Variants in MECOM observed in about 807,000 individuals in gnomAD.
The protein encoded by MECOM is MDS1 and EVI1 complex locus.
A neutral mutation model predicts 116.3 loss-of-function variants in MECOM; 13 were observed. The ratio of observed to expected loss-of-function variants is 0.11; its 90% CI spans 0.07 to 0.18. The LOEUF (loss-of-function observed/expected upper bound fraction) is 0.18. MECOM is among the 10% of genes least tolerant of loss of function. The pLI is 1.00. For synonymous variants in MECOM, 528 were observed against 535.2 expected (o/e 0.99, Z 0.19); for missense variants, 1,299 against 1,509.0 (o/e 0.86, Z 2.31).
chr3:169,212,269 G>T (rs1750820810), intron 2 of MECOM, among the ~76,000 whole-genome samples: 1 of 151,938 alleles, frequency 6.6e-6, no homozygotes, highest in African/African-American at 2.4e-5. Context: ...CAGCCAGAGT[G>T]ATCATTAGAC....
At chr3:169,655,980 A>G (rs1397264550) in intron 1 of MECOM, among the ~76,000 whole-genome samples, 1 of 152,200 alleles carries the variant, frequency 6.6e-6, no homozygotes, top group Admixed American at 6.5e-5. Flanking sequence ...GAGGCATTCA[A>G]TAACTTGAAG....
chr3:169,182,463 A>T (rs1466623265), intron 2 of MECOM, among the ~76,000 whole-genome samples: 1 of 152,212 alleles, frequency 6.6e-6, no homozygotes, highest in Admixed American at 6.5e-5. Flanking sequence ...TAGAGATCCA[A>T]CTTATTTAAA....
At chr3:169,416,251 T>C (rs1003750786) in intron 1 of MECOM, among the ~76,000 whole-genome samples, 18 of 152,240 alleles carry the variant, frequency 1.2e-4, no homozygotes, top group African/African-American at 4.1e-4. Flanking sequence ...AAATGGAAAC[T>C]GAACAACATG....
chr3:169,130,764 G>C (rs1207569363), intron 4 of MECOM, among the ~76,000 whole-genome samples: 1 of 151,484 alleles, frequency 6.6e-6, no homozygotes, highest in African/African-American at 2.4e-5. Context: ...CAGTATACTT[G>C]GACACAGAAA....
At chr3:169,441,984 G>A (rs1278121792) in intron 1 of MECOM, among the ~76,000 whole-genome samples, 4 of 151,968 alleles carry the variant, frequency 2.6e-5, no homozygotes, top group Non-Finnish European at 4.4e-5. Flanking sequence ...GGAGTGCAGT[G>A]GCACAATCTC....
At chr3:169,529,813 G>C (rs1758380254) in intron 1 of MECOM, among the ~76,000 whole-genome samples, 1 of 152,164 alleles carries the variant, frequency 6.6e-6, no homozygotes, top group African/African-American at 2.4e-5. Context: ...GTTCCTCTGG[G>C]ACTGGGCCTG....
At chr3:169,194,233 A>G (rs1577313296) in intron 2 of MECOM, among the ~76,000 whole-genome samples, 1 of 152,144 alleles carries the variant, frequency 6.6e-6, no homozygotes, top group East Asian at 1.9e-4. Context: ...TTGTCACTGC[A>G]TGTTCTCACT....
intron 2 of MECOM, among the ~76,000 whole-genome samples, chr3:169,217,506 C>T (rs769001225): frequency 4.6e-5 from 7 of 151,942 alleles, no homozygotes; most frequent in South Asian, 4.1e-4. Flanking sequence ...ATAAATAGGC[C>T]GAGCACGGTG....
intron 2 of MECOM, among the ~76,000 whole-genome samples, chr3:169,312,021 G>T (rs766805527): frequency 2.4e-4 from 36 of 152,184 alleles, no homozygotes; most frequent in Admixed American, 8.5e-4. Flanking sequence ...TCAGAGAGGA[G>T]CTGGGCCCAG....
In MECOM at chr3:169,312,570, G is replaced by A. The variant is rs143424625; in HGVS notation, c.375+68617C>T. 9.5e-4 allele frequency among the ~76,000 whole-genome samples: 145 copies of A among 152,048 alleles called. 2 individuals carry two copies. The East Asian group carries it at 0.025, about 26-fold the overall frequency. On this transcript the variant is annotated intron_variant, in intron 2 of 16. Transcript: ENST00000651503. ...TTTTTAATAGAGACGGGGTTTCACC[G>A]TGTTAGACAGGATTAGCCAGGATGG...
chr3:169,084,972 C>A lies in MECOM; in HGVS notation c.3657G>T (p.Val1219=). The part of the protein sequence containing the change: ...LHSTSHSSSN[V]WHSMARAAAE... ...CCGCAGCCCTGGCCATACTGTGCCACACGTTGGAAGAACTGTGGGATGTAG... is the reference window on the plus strand; with the variant it reads ...CCGCAGCCCTGGCCATACTGTGCCAAACGTTGGAAGAACTGTGGGATGTAG... Residue 1219 remains valine, a synonymous_variant, in exon 17 of 17, where the codon GTG becomes GTT. Coordinates refer to ENST00000651503, the MANE Select transcript of MECOM (RefSeq NM_004991.4). 6.2e-7 allele frequency: 1 copy of A among 1,614,122 alleles called. No homozygotes were observed.
chr3:169,280,192 A>G (rs1711625624), intron 2 of MECOM, among the ~76,000 whole-genome samples: 1 of 152,206 alleles, frequency 6.6e-6, no homozygotes, highest in Non-Finnish European at 1.5e-5. Flanking sequence ...CTTTGCTTTT[A>G]CTGTAAGCAT....
chr3:169,542,325 G>GAA (rs553126024), intron 1 of MECOM, among the ~76,000 whole-genome samples: 11 of 140,516 alleles, frequency 7.8e-5, no homozygotes, highest in South Asian at 2.3e-4. Flanking sequence ...TTGTCTTCTA[G>GAA]AAAAAAAAAA....
At chr3:169,222,129 A>G (rs1196062084) in intron 2 of MECOM, among the ~76,000 whole-genome samples, 1 of 152,210 alleles carries the variant, frequency 6.6e-6, no homozygotes, top group Non-Finnish European at 1.5e-5. Flanking sequence ...GAACATTCCC[A>G]TCGTCACAGA....
rs114530655 is a variant in MECOM at position 169,655,385 on chromosome 3, C to T, written c.37+7951G>A. Among the ~76,000 whole-genome samples, 796 of 152,252 alleles carry T rather than the reference C, an allele frequency of 5.2e-3. 7 individuals carry two copies. The highest frequency in any genetic ancestry group is 0.018 in the African/African-American group (764 of 41,540). ...CATTTAAAGAGGAGCAACCCAGCTG[C>T]AGTAGTAAAGTGACTTACAAACTCA... On this transcript the variant is annotated intron_variant, in intron 1 of 16. Coordinates refer to ENST00000651503, the MANE Select transcript of MECOM (RefSeq NM_004991.4).
intron 2 of MECOM, among the ~76,000 whole-genome samples, chr3:169,255,233 A>G (rs1404263465): frequency 6.6e-6 from 1 of 152,188 alleles, no homozygotes; most frequent in Non-Finnish European, 1.5e-5. Context: ...CCGGTACAGT[A>G]CCATATTTCA....
At chr3:169,276,024 T>C (rs1395504748) in intron 2 of MECOM, among the ~76,000 whole-genome samples, 1 of 152,182 alleles carries the variant, frequency 6.6e-6, no homozygotes, top group Non-Finnish European at 1.5e-5. Context: ...AATCTAGCTA[T>C]GTTAGAATAA....
intron 3 of MECOM, chr3:169,133,832 T>C: frequency 1.1e-6 from 1 of 936,648 alleles, no homozygotes; most frequent in Non-Finnish European, 1.5e-6. Flanking sequence ...TCCAGTTAAA[T>C]ACTTATAAGT....
chr3:169,472,805 G>T lies in MECOM; in HGVS notation c.38-91281C>A, dbSNP rs576520948. ...GCCTTAGTGTTCATTTTTTCAAATT[G>T]TTCAATTTATAGAAAATCCTAATCA... On this transcript the variant is annotated intron_variant, in intron 1 of 16. Transcript: ENST00000651503. Among the ~76,000 whole-genome samples, 7 of 152,008 alleles carry T rather than the reference G, an allele frequency of 4.6e-5. No homozygotes were observed. In the East Asian group the frequency reaches 7.7e-4, roughly 17 times the overall value.
Sources: allele counts gnomAD v4.1 joint callset (sites outside exome capture counted in the v4.1 genomes callset), GRCh38; gene constraint gnomAD v4.1.1; transcripts MANE v1.5; gene names NCBI Gene and HGNC (gene_info 2026-07-23, HGNC 2026-07-21).